Variants in MBD5 observed in about 807,000 individuals in gnomAD.
MBD5 encodes methyl-CpG binding domain protein 5.
A neutral mutation model predicts 117.3 loss-of-function variants in MBD5; 13 were observed. That is an observed-to-expected ratio of 0.11 (90% confidence interval 0.07 to 0.18). The LOEUF (loss-of-function observed/expected upper bound fraction) is 0.18. Among genes scored for constraint, MBD5 ranks in the 10% least tolerant of loss-of-function variants. The pLI is 1.00. For synonymous variants in MBD5, 727 were observed against 766.4 expected, an observed-to-expected ratio of 0.95 and a Z score of 0.85; for missense variants, 1,879 against 2,093.8, an observed-to-expected ratio of 0.90 and a Z score of 2.00.
Position 148,447,303 on chromosome 2 carries a change from C to G in MBD5, c.-556-10900C>G, listed in dbSNP as rs553976877. On this transcript the variant is annotated intron_variant, in intron 4 of 13. Transcript: ENST00000642680. ...TAGAGGATTGAAATTGGATGGTTCT[C>G]TGTACCCTTTACCTACTCTAAGTCA... is the stretch of plus-strand genomic sequence containing the variant. Among the ~76,000 whole-genome samples, 3 of 152,050 alleles carry G rather than the reference C, an allele frequency of 2.0e-5. No homozygotes were observed. In the East Asian group the frequency reaches 5.8e-4, roughly 29 times the overall value.
At chr2:148,386,258 C>G (rs1704357602) in intron 4 of MBD5, among the ~76,000 whole-genome samples, 1 of 151,910 alleles carries the variant, frequency 6.6e-6, no homozygotes, top group East Asian at 1.9e-4. Flanking sequence ...ATACATTCAG[C>G]CAATGGGATC....
intron 3 of MBD5, among the ~76,000 whole-genome samples, chr2:148,324,941 TG>T (rs1378321133): frequency 1.3e-5 from 2 of 152,216 alleles, no homozygotes; most frequent in African/African-American, 2.4e-5. Flanking sequence ...TTCCAGTTTT[TG>T]CCCATTCAGT....
rs750365107 is a variant in MBD5, at chr2:148,469,610, G to A, written c.1667G>A (p.Gly556Asp). The change falls in exon 8 of 14, where the codon GGT becomes GAT. Residue 556 changes from glycine to aspartate, a missense_variant. Physicochemically the swap from Gly to Asp is moderately conservative, Grantham distance 94. Transcript: ENST00000642680. The stretch of plus-strand genomic sequence containing the variant: ...AGTAGTTCTGTAAAGAGTCAGCCTG[G>A]TTTGCTGGGAATGCCTTTAAATCAG... ...AGSSSVKSQP[G>D]LLGMPLNQIL... 3 of 1,613,928 alleles carry A rather than the reference G, an allele frequency of 1.9e-6. No individual in the cohort carries two copies. Among genetic ancestry groups the A allele is most frequent in the Non-Finnish European group, 2.5e-6 (3 of 1,179,902 alleles).
chr2:148,447,297 G>A (rs1458778896), intron 4 of MBD5, among the ~76,000 whole-genome samples: 2 of 151,900 alleles, frequency 1.3e-5, no homozygotes, highest in African/African-American at 4.8e-5. Flanking sequence ...GAAATTGGAT[G>A]GTTCTCTGTA....
chr2:148,139,574 G>A (rs1171771007), intron 1 of MBD5, among the ~76,000 whole-genome samples: 1 of 151,922 alleles, frequency 6.6e-6, no homozygotes, highest in East Asian at 1.9e-4. Flanking sequence ...ATGCAAAAAC[G>A]AAAAAAGCAG....
At chr2:148,295,403 A>T (rs539695541) in intron 3 of MBD5, among the ~76,000 whole-genome samples, 9 of 151,976 alleles carry the variant, frequency 5.9e-5, no homozygotes, top group African/African-American at 1.9e-4. Context: ...CTCTTTTTTT[A>T]AAATCCATAG....
intron 3 of MBD5, among the ~76,000 whole-genome samples, chr2:148,324,863 A>C (rs1271044379): frequency 2.6e-5 from 4 of 152,234 alleles, no homozygotes; most frequent in South Asian, 4.1e-4. Flanking sequence ...CAGAACTTCC[A>C]ACACTATGTT....
intron 1 of MBD5, among the ~76,000 whole-genome samples, chr2:148,118,771 A>T (rs963744965): frequency 6.6e-6 from 1 of 152,194 alleles, no homozygotes; most frequent in African/African-American, 2.4e-5. Flanking sequence ...ATACAAATGG[A>T]ATCATACCAT....
intron 1 of MBD5, among the ~76,000 whole-genome samples, chr2:148,173,107 C>G (rs1198896201): frequency 6.6e-6 from 1 of 152,170 alleles, no homozygotes; most frequent in East Asian, 1.9e-4. Flanking sequence ...AGAGCAGTAA[C>G]AAACAGGGCT....
chr2:148,423,900 C>G (rs772678131), intron 4 of MBD5, among the ~76,000 whole-genome samples: 17 of 151,928 alleles, frequency 1.1e-4, no homozygotes, highest in Admixed American at 2.0e-4. Flanking sequence ...GGGTTGTGGC[C>G]AGGCATGGTG....
chr2:148,224,424 C>A (rs150822271), intron 2 of MBD5, among the ~76,000 whole-genome samples: 1,945 of 151,790 alleles, frequency 0.013, 37 homozygotes, highest in African/African-American at 0.044. Flanking sequence ...CTCACTGCAA[C>A]CTCTGCTTCC....
At chr2:148,345,314 C>CAT (rs1316088079) in intron 4 of MBD5, among the ~76,000 whole-genome samples, 2 of 141,268 alleles carry the variant, frequency 1.4e-5, no homozygotes, top group Non-Finnish European at 3.0e-5. Flanking sequence ...TATATACACA[C>CAT]ACATATATAT....
intron 4 of MBD5, among the ~76,000 whole-genome samples, chr2:148,387,344 C>G (rs1281985923): frequency 6.6e-6 from 1 of 151,920 alleles, no homozygotes; most frequent in Non-Finnish European, 1.5e-5. Flanking sequence ...TCAGCTGAAT[C>G]ATTCATGAGA....
intron 4 of MBD5, among the ~76,000 whole-genome samples, chr2:148,390,863 T>G (rs1472992929): frequency 1.3e-5 from 2 of 152,172 alleles, no homozygotes; most frequent in African/African-American, 4.8e-5. Context: ...GCCCAGCCTA[T>G]AGTAATAATT....
chr2:148,491,680 C>A (rs894770992), intron 11 of MBD5, among the ~76,000 whole-genome samples: 3 of 151,948 alleles, frequency 2.0e-5, no homozygotes, highest in African/African-American at 7.3e-5. Flanking sequence ...TGTCAGGATA[C>A]ACTCTGGCCA....
At chr2:148,082,796 C>T (rs1031094583) in intron 1 of MBD5, among the ~76,000 whole-genome samples, 1 of 152,178 alleles carries the variant, frequency 6.6e-6, no homozygotes, top group African/African-American at 2.4e-5. Context: ...AATAATCTTA[C>T]CTTTTTGCTG....
chr2:148,414,092 ATG>A lies in MBD5; in HGVS notation c.-556-44109_-556-44108del, dbSNP rs1416309990. Among the ~76,000 whole-genome samples, 4 of 151,900 alleles carry A rather than the reference ATG, an allele frequency of 2.6e-5. No homozygotes were observed. In the East Asian group the frequency reaches 7.7e-4, roughly 29 times the overall value. On this transcript the variant is annotated intron_variant, in intron 4 of 13. Transcript: ENST00000642680. ...AATTTGAGATCTTCCTCACTTTTTG[ATG>A]TAGGCATTTAGTGCTATAAACGTTT...
intron 1 of MBD5, among the ~76,000 whole-genome samples, chr2:148,116,712 G>A (rs2105377885): frequency 6.6e-6 from 1 of 152,220 alleles, no homozygotes; most frequent in African/African-American, 2.4e-5. Flanking sequence ...CCTGTTTCTT[G>A]CAGTATCTCT....
intron 1 of MBD5, among the ~76,000 whole-genome samples, chr2:148,174,008 G>C (rs1210604632): frequency 6.6e-6 from 1 of 152,002 alleles, no homozygotes; most frequent in Non-Finnish European, 1.5e-5. Flanking sequence ...AAAAATCAAA[G>C]CTGGAGGCAT....
Sources: allele counts gnomAD v4.1 joint callset (sites outside exome capture counted in the v4.1 genomes callset), GRCh38; gene constraint gnomAD v4.1.1; transcripts MANE v1.5; gene names NCBI Gene and HGNC (gene_info 2026-07-23, HGNC 2026-07-21).